P3H2: variants seen among roughly 807,000 people sequenced by gnomAD.
The protein encoded by P3H2 is prolyl 3-hydroxylase 2.
Under a neutral mutation model 87.0 loss-of-function variants are expected in P3H2, and 80 were observed. The observed-to-expected ratio is 0.92, with a 90% CI of 0.77 to 1.11. The LOEUF is 1.11. Among genes scored for constraint, P3H2 ranks in the 50% least tolerant of loss-of-function variants. P3H2 has a pLI of 0.00. For synonymous variants in P3H2, 367 were observed against 359.3 expected (o/e 1.02, Z -0.24); for missense variants, 1,001 against 923.9 (o/e 1.08, Z -1.08).
rs537121195 is a variant in P3H2, at chr3:190,095,631, C to T, written c.480+24621G>A. ...TTTTTTTTCCTTTAAAACGGAGTCTCGCTCTGTCACCCAGGCTGGAGTGCA... is the reference window on the plus strand; with the variant it reads ...TTTTTTTTCCTTTAAAACGGAGTCTTGCTCTGTCACCCAGGCTGGAGTGCA... On this transcript the variant is annotated intron_variant, in intron 1 of 14. Transcript: ENST00000319332. Among the ~76,000 whole-genome samples, 664 of 147,500 alleles carry T rather than the reference C, an allele frequency of 4.5e-3. 6 individuals carry two copies. Among genetic ancestry groups the T allele is most frequent in the African/African-American group, 0.016 (636 of 39,728 alleles).
rs1560359925 is a variant in P3H2 at position 190,007,986 on chromosome 3, A to ATATATATATATATATATATATATATATG, written c.481-12545_481-12544insCATATATATATATATATATATATATATA. On this transcript the variant is annotated intron_variant, in intron 1 of 14. Transcript: ENST00000319332. ...CACACATATATATATATATATATAT[A>ATATATATATATATATATATATATATATG]GTAAACTTCAGTAACGTTGATGAAT... Among the ~76,000 whole-genome samples, 152 of 141,544 alleles carry ATATATATATATATATATATATATATATG rather than the reference A, an allele frequency of 1.1e-3. 2 individuals carry two copies. Among genetic ancestry groups the ATATATATATATATATATATATATATATG allele is most frequent in the African/African-American group, 4.0e-3 (150 of 37,414 alleles). 92.9% of individuals were successfully genotyped at this position (141,544 alleles called of 152,430 possible). A position where few individuals can be genotyped will look rare whatever the true frequency, so the allele number is the denominator to read the frequency against.
intron 8 of P3H2, among the ~76,000 whole-genome samples, chr3:189,980,562 C>CA (rs558957023): frequency 0.021 from 3,167 of 148,266 alleles, 34 homozygotes; most frequent in Non-Finnish European, 0.028. Context: ...GACTCCATCT[C>CA]AAAAAAAAAG....
intron 5 of P3H2, 73 bp downstream of exon 5, chr3:189,987,454 G>C: frequency 6.6e-7 from 1 of 1,512,190 alleles, no homozygotes; most frequent in Non-Finnish European, 8.9e-7. Flanking sequence ...ACTCCAGCCT[G>C]GGCAACAAGA....
At position 189,957,721 on chromosome 3, in the gene P3H2, AG is replaced by A. The variant is rs1722681596; in HGVS notation, c.*190del. On this transcript the variant is annotated 3_prime_UTR_variant, in exon 15 of 15. Coordinates refer to ENST00000319332, the MANE Select transcript of P3H2 (RefSeq NM_018192.4). ...TAAGAAGAGAGAGAGAGAGAGAGAG[AG>A]AGAAAACAACCCAAAACAAGAAAGA... The A allele has an allele frequency of 1.5e-5, 9 of 609,854 alleles. No individual in the cohort carries two copies. The highest frequency in any genetic ancestry group is 2.3e-5 in the Non-Finnish European group (8 of 346,190). The allele number at this position is 609,854 out of a possible 1,614,324, so 37.8% of individuals were successfully genotyped here.
chr3:190,096,472 G>GCCT (rs1553883236), intron 1 of P3H2, among the ~76,000 whole-genome samples: 1 of 112,194 alleles, frequency 8.9e-6, no homozygotes, highest in Non-Finnish European at 1.7e-5. Context: ...GCTTCCTGAG[G>GCCT]CCTCCTCACG....
rs149099374 is a variant in P3H2 at position 189,964,042 on chromosome 3, G to A, written c.1950C>T (p.Asn650=). 2.5e-6 allele frequency: 4 copies of A among 1,613,962 alleles called. No individual in the cohort carries two copies. In the African/African-American group the frequency reaches 4.0e-5, roughly 16 times the overall value. Residue 650 remains asparagine, a synonymous_variant, in exon 14 of 15, where the codon AAC becomes AAT. Transcript: ENST00000319332. ...RMISFSSGGE[N]PHGVKAVTKG... is the part of the protein sequence containing the mutation. ...TGGTGACTGCCTTCACCCCATGAGGGTTCTCTCCTCCAGATGAGAAGCTGA... is the reference window on the plus strand; with the variant it reads ...TGGTGACTGCCTTCACCCCATGAGGATTCTCTCCTCCAGATGAGAAGCTGA...
At chr3:190,034,853 C>CTTTTTTTT (rs58325211) in intron 1 of P3H2, among the ~76,000 whole-genome samples, 1 of 140,280 alleles carries the variant, frequency 7.1e-6, no homozygotes, top group Non-Finnish European at 1.5e-5. Context: ...CTTTTCTTTT[C>CTTTTTTTT]TTTTTTTTTT....
At chr3:190,111,139 T>A (rs1341218576) in intron 1 of P3H2, among the ~76,000 whole-genome samples, 1 of 152,196 alleles carries the variant, frequency 6.6e-6, no homozygotes, top group Admixed American at 6.5e-5. Context: ...TTGACTCAGG[T>A]TCTTATTTCT....
At chr3:190,115,735 G>A (rs1193317507) in intron 1 of P3H2, among the ~76,000 whole-genome samples, 1 of 152,154 alleles carries the variant, frequency 6.6e-6, no homozygotes, top group Non-Finnish European at 1.5e-5. Context: ...AACAACTAAA[G>A]TGAGAAAACC....
rs927553093 is a variant in P3H2 at position 190,021,434 on chromosome 3, C to T, written c.481-25992G>A. On this transcript the variant is annotated intron_variant, in intron 1 of 14. Transcript: ENST00000319332. ...GTCTTCCTTTTTTCAATTTTTTGTT[C>T]TGTAACAAATAGATTTTCAACAATG... Among the ~76,000 whole-genome samples, 9 of 134,450 alleles carry T rather than the reference C, an allele frequency of 6.7e-5. 2 individuals are homozygous for T. The highest frequency in any genetic ancestry group is 1.5e-4 in the Non-Finnish European group (9 of 60,216). 88.2% of individuals were successfully genotyped at this position (134,450 alleles called of 152,430 possible). A position where few individuals can be genotyped will look rare whatever the true frequency, so the allele number is the denominator to read the frequency against.
intron 1 of P3H2, among the ~76,000 whole-genome samples, chr3:190,107,983 T>G (rs903210254): frequency 1.3e-5 from 2 of 152,132 alleles, no homozygotes; most frequent in African/African-American, 4.8e-5. Flanking sequence ...TACTTATTTT[T>G]TTTTTTAGAC....
chr3:189,985,202 T>C (rs752773889), intron 6 of P3H2, among the ~76,000 whole-genome samples: 3 of 151,996 alleles, frequency 2.0e-5, no homozygotes, highest in Non-Finnish European at 4.4e-5. Flanking sequence ...TATAAATGTA[T>C]TAACTTGTAT....
intron 1 of P3H2, among the ~76,000 whole-genome samples, chr3:190,028,837 A>T (rs1366912343): frequency 2.2e-5 from 3 of 133,880 alleles, no homozygotes; most frequent in Non-Finnish European, 4.8e-5. Flanking sequence ...ATTTTCTCTG[A>T]GTCTCCTCAG....
intron 1 of P3H2, among the ~76,000 whole-genome samples, chr3:190,096,526 T>C (rs1185002614): frequency 1.3e-5 from 2 of 152,200 alleles, no homozygotes; most frequent in Non-Finnish European, 2.9e-5. Flanking sequence ...TCTTCATAAA[T>C]GACCCAGTCT....
chr3:189,989,432 G>A (rs1021552131), intron 3 of P3H2, among the ~76,000 whole-genome samples: 10 of 152,076 alleles, frequency 6.6e-5, no homozygotes, highest in African/African-American at 2.4e-4. Context: ...CCCTGGAATC[G>A]GGAATGGAAG....
chr3:189,970,093 A>C (rs1490493195), intron 13 of P3H2, among the ~76,000 whole-genome samples: 1 of 146,378 alleles, frequency 6.8e-6, no homozygotes, highest in East Asian at 2.0e-4. Context: ...CTTTGTTTAC[A>C]TATTTGTGTG....
intron 1 of P3H2, among the ~76,000 whole-genome samples, chr3:190,103,491 C>A (rs908269903): frequency 6.6e-6 from 1 of 152,108 alleles, no homozygotes; most frequent in East Asian, 1.9e-4. Flanking sequence ...TTAGGTAAAC[C>A]TTTGTTAACT....
At chr3:190,015,606 A>T (rs1475512871) in intron 1 of P3H2, among the ~76,000 whole-genome samples, 1 of 152,066 alleles carries the variant, frequency 6.6e-6, no homozygotes, top group African/African-American at 2.4e-5. Flanking sequence ...CTACTCCTCA[A>T]GATAAAATAC....
intron 1 of P3H2, among the ~76,000 whole-genome samples, chr3:190,066,317 T>C (rs1039908299): frequency 6.6e-6 from 1 of 151,988 alleles, no homozygotes; most frequent in Non-Finnish European, 1.5e-5. Flanking sequence ...TAAAAAGGAA[T>C]GAATGCATGG....
Sources: allele counts gnomAD v4.1 joint callset (sites outside exome capture counted in the v4.1 genomes callset), GRCh38; gene constraint gnomAD v4.1.1; transcripts MANE v1.5; gene names NCBI Gene and HGNC (gene_info 2026-07-23, HGNC 2026-07-21).